Variants in LYPLAL1 observed in about 807,000 individuals in gnomAD.
LYPLAL1 encodes lysophospholipase-like protein 1.
Under a neutral mutation model 19.7 loss-of-function variants are expected in LYPLAL1, and 23 were observed. That is an observed-to-expected ratio of 1.17 (90% CI 0.84 to 1.65). The LOEUF is 1.65. Ranked by LOEUF, LYPLAL1 falls within the 40% of genes most tolerant of loss-of-function variation. The pLI is 0.00. For missense variants in LYPLAL1, 355 were observed against 279.4 expected (o/e 1.27, Z -1.93); for synonymous variants, 119 against 96.3 (o/e 1.24, Z -1.38).
At chr1:219,383,272 G>A in the LYPLAL1 span, among the ~76,000 whole-genome samples, 1 of 152,092 alleles carries the variant, frequency 6.6e-6, no homozygotes, top group Non-Finnish European at 1.5e-5. Flanking sequence ...AGTCCCTTTG[G>A]TCCTAAGATA....
At chr1:219,445,139 A>T in the LYPLAL1 span, among the ~76,000 whole-genome samples, 13 of 151,440 alleles carry the variant, frequency 8.6e-5, no homozygotes, top group Admixed American at 8.6e-4. Context: ...CTCATGTTCT[A>T]CTTTATTTTT....
chr1:219,333,040 C>A, the LYPLAL1 span, among the ~76,000 whole-genome samples: 2 of 152,010 alleles, frequency 1.3e-5, no homozygotes, highest in Non-Finnish European at 2.9e-5. Flanking sequence ...CTTTCATCTT[C>A]AAAGCTAGCA....
chr1:219,255,624 G>A, the LYPLAL1 span, among the ~76,000 whole-genome samples: 7 of 151,618 alleles, frequency 4.6e-5, no homozygotes, highest in Non-Finnish European at 5.9e-5. Flanking sequence ...TGGGCCCCTC[G>A]TGCAATGTTG....
the LYPLAL1 span, among the ~76,000 whole-genome samples, chr1:219,339,317 A>C: frequency 1.3e-5 from 2 of 152,062 alleles, no homozygotes; most frequent in Non-Finnish European, 2.9e-5. Flanking sequence ...AGCCTCAAGT[A>C]CTTCAAGTGT....
the LYPLAL1 span, among the ~76,000 whole-genome samples, chr1:219,398,068 T>G: frequency 6.6e-6 from 1 of 152,226 alleles, no homozygotes; most frequent in Non-Finnish European, 1.5e-5. Context: ...TGAAGTTCAC[T>G]GCATTTCCTG....
the LYPLAL1 span, among the ~76,000 whole-genome samples, chr1:219,297,746 T>C: frequency 6.6e-6 from 1 of 152,154 alleles, no homozygotes; most frequent in Admixed American, 6.5e-5. Context: ...TACATTGGAG[T>C]TGACATTTCC....
At chr1:219,194,539 T>A (rs1213800914) in intron 3 of LYPLAL1, among the ~76,000 whole-genome samples, 4 of 152,066 alleles carry the variant, frequency 2.6e-5, no homozygotes, top group Admixed American at 6.6e-5. Flanking sequence ...ATTCTTAAAG[T>A]GGTAACTATA....
At chr1:219,320,842 G>T in the LYPLAL1 span, among the ~76,000 whole-genome samples, 1 of 152,160 alleles carries the variant, frequency 6.6e-6, no homozygotes, top group African/African-American at 2.4e-5. Flanking sequence ...GTCTATCATT[G>T]ATGGGCACTT....
At chr1:219,248,720 G>C in the LYPLAL1 span, among the ~76,000 whole-genome samples, 1 of 152,014 alleles carries the variant, frequency 6.6e-6, no homozygotes, top group Non-Finnish European at 1.5e-5. Context: ...GGGCGTGAAG[G>C]CTATAGTAAA....
rs150347670 is a variant in LYPLAL1 at position 219,212,752 on chromosome 1, A to C, written c.*1024A>C. The C allele has an allele frequency of 2.6e-5, 4 of 152,190 alleles. No individual in the cohort carries two copies. Among genetic ancestry groups the C allele is most frequent in the South Asian group, 4.1e-4 (2 of 4,826 alleles). 9.4% of individuals were successfully genotyped at this position (152,190 alleles called of 1,614,324 possible). ...TAGTTCATCTATTTTATTGCTCAGT[A>C]ATATTCCATTGTGTGGATGTATCAC... On this transcript the variant is annotated 3_prime_UTR_variant, in exon 5 of 5. Transcript: ENST00000366928.
the LYPLAL1 span, among the ~76,000 whole-genome samples, chr1:219,374,145 T>A: frequency 6.6e-6 from 1 of 151,968 alleles, no homozygotes; most frequent in Non-Finnish European, 1.5e-5. Flanking sequence ...GATTTTTTTT[T>A]TTTTTTGGTG....
the LYPLAL1 span, among the ~76,000 whole-genome samples, chr1:219,426,601 C>CT: frequency 0.022 from 3,262 of 146,274 alleles, 116 homozygotes; most frequent in African/African-American, 0.074. Flanking sequence ...CAGGTAGGTA[C>CT]TTTTTTTTTT....
intron 3 of LYPLAL1, among the ~76,000 whole-genome samples, chr1:219,208,325 G>A (rs1298368709): frequency 6.6e-6 from 1 of 152,042 alleles, no homozygotes; most frequent in African/African-American, 2.4e-5. Flanking sequence ...CTAGAGATTA[G>A]TCCATCTATC....
At chr1:219,353,474 T>G in the LYPLAL1 span, among the ~76,000 whole-genome samples, 1 of 152,250 alleles carries the variant, frequency 6.6e-6, no homozygotes, top group Non-Finnish European at 1.5e-5. Flanking sequence ...GGAAAAGGTT[T>G]GTGCTTTCAC....
At chr1:219,242,752 A>C in the LYPLAL1 span, among the ~76,000 whole-genome samples, 2 of 151,408 alleles carry the variant, frequency 1.3e-5, no homozygotes, top group Non-Finnish European at 2.9e-5. Context: ...TAAAAAATTA[A>C]TATAGTTTTA....
chr1:219,430,368 C>T, the LYPLAL1 span, among the ~76,000 whole-genome samples: 2 of 145,876 alleles, frequency 1.4e-5, no homozygotes, highest in African/African-American at 5.0e-5. Context: ...TTATGTGATG[C>T]TTTGAGAGGT....
At chr1:219,444,580 G>A in the LYPLAL1 span, among the ~76,000 whole-genome samples, 1 of 152,208 alleles carries the variant, frequency 6.6e-6, no homozygotes, top group African/African-American at 2.4e-5. Context: ...AACAGTTCCT[G>A]TTCTATTACC....
At chr1:219,279,278 C>T in the LYPLAL1 span, among the ~76,000 whole-genome samples, 1 of 152,136 alleles carries the variant, frequency 6.6e-6, no homozygotes, top group Non-Finnish European at 1.5e-5. Context: ...GGTACCAATG[C>T]TCCTATATGA....
the LYPLAL1 span, among the ~76,000 whole-genome samples, chr1:219,399,765 G>A: frequency 6.6e-6 from 1 of 152,250 alleles, no homozygotes; most frequent in East Asian, 1.9e-4. Context: ...TGCTCAGGTC[G>A]GTCAGACCAG....
Sources: allele counts gnomAD v4.1 joint callset (sites outside exome capture counted in the v4.1 genomes callset), GRCh38; gene constraint gnomAD v4.1.1; transcripts MANE v1.5; gene names NCBI Gene and HGNC (gene_info 2026-07-23, HGNC 2026-07-21).